The following ZW10 variants were observed in gnomAD, a reference collection of about 807,000 sequenced individuals.
The protein encoded by ZW10 is centromere/kinetochore protein zw10 homolog.
ZW10 carries 53 observed loss-of-function variants against 87.8 expected under a neutral mutation model. The observed-to-expected ratio is 0.60, with a 90% CI of 0.48 to 0.76. ZW10 has a LOEUF of 0.76. Among genes scored for constraint, ZW10 ranks in the 30% least tolerant of loss-of-function variants. The pLI, the probability that ZW10 is intolerant of heterozygous loss-of-function variation, is 0.00. For missense variants in ZW10, 837 were observed against 923.0 expected, an observed-to-expected ratio of 0.91 and a Z score of 1.21; for synonymous variants, 312 against 329.2, an observed-to-expected ratio of 0.95 and a Z score of 0.57.
At chr11:113,754,538 C>G (rs1332761548) in intron 7 of ZW10, among the ~76,000 whole-genome samples, 1 of 152,064 alleles carries the variant, frequency 6.6e-6, no homozygotes, top group African/African-American at 2.4e-5. Flanking sequence ...TGCTTGTGCT[C>G]TAGAGATAGG....
intron 7 of ZW10, among the ~76,000 whole-genome samples, chr11:113,753,635 A>T (rs1346330146): frequency 6.6e-6 from 1 of 152,120 alleles, no homozygotes; most frequent in Non-Finnish European, 1.5e-5. Flanking sequence ...TGAACTCCTG[A>T]CCTCAAGTGA....
At chr11:113,758,447 C>T in intron 6 of ZW10, 107 bp downstream of exon 6, 2 of 1,070,686 alleles carry the variant, frequency 1.9e-6, no homozygotes, top group South Asian at 1.8e-5. Flanking sequence ...AGAGGCCAGA[C>T]CCTATACTAA....
At chr11:113,761,941 G>T (rs189955500) in intron 2 of ZW10, among the ~76,000 whole-genome samples, 1 of 152,130 alleles carries the variant, frequency 6.6e-6, no homozygotes, top group Admixed American at 6.5e-5. Flanking sequence ...ATACCTCACT[G>T]TGATCTGGTT....
Position 113,758,668 on chromosome 11 carries a change from G to T in ZW10, c.619C>A (p.His207Asn). The stretch of plus-strand genomic sequence containing the variant: ...TTGTGCGATTGTTCAGTGTATAAAT[G>T]AAGTTCAGTTTGTAGGTAAGATTCC... ...SLESYLQTEL[H>N]LYTEQSHKEE... Residue 207 changes from histidine (H) to asparagine (N), a missense_variant, in exon 6 of 16, where the codon CAT becomes AAT. Transcript: ENST00000200135. The T allele has an allele frequency of 6.2e-7, 1 of 1,614,098 alleles. No homozygotes were observed. Among genetic ancestry groups the T allele is most frequent in the Non-Finnish European group, 8.5e-7 (1 of 1,180,006 alleles).
chr11:113,751,216 C>A (rs568611825), intron 7 of ZW10: 8 of 286,866 alleles, frequency 2.8e-5, no homozygotes, highest in South Asian at 2.8e-4. Flanking sequence ...CTGGCTTGAG[C>A]AGACACGACA....
chr11:113,736,070 T>A (rs1953550508), intron 15 of ZW10, among the ~76,000 whole-genome samples: 1 of 151,894 alleles, frequency 6.6e-6, no homozygotes, highest in South Asian at 2.1e-4. Context: ...AGAAACCTCG[T>A]CTCTAAAACA....
rs1302374401 is a variant in ZW10 at position 113,733,190 on chromosome 11, T to C, written c.*504A>G. On this transcript the variant is annotated 3_prime_UTR_variant, in exon 16 of 16. Transcript: ENST00000200135. ...TATTAAAGACACTCACCCTTAATTG[T>C]AAAAAGCAATATTTATTGGAAAGAA... The C allele has an allele frequency of 1.3e-5, 2 of 153,002 alleles. No individual in the cohort carries two copies. Among genetic ancestry groups the C allele is most frequent in the African/African-American group, 4.8e-5 (2 of 41,458 alleles). The allele number at this position is 153,002 out of a possible 1,614,324, so 9.5% of individuals were successfully genotyped here.
At position 113,773,692 on chromosome 11, in the gene ZW10, T is replaced by C. The variant is rs371141083; in HGVS notation, c.-26A>G. 4 of 1,602,982 alleles carry C rather than the reference T, an allele frequency of 2.5e-6. No individual in the cohort carries two copies. Among genetic ancestry groups the C allele is most frequent in the Non-Finnish European group, 3.4e-6 (4 of 1,171,538 alleles). On this transcript the variant is annotated 5_prime_UTR_variant, in exon 1 of 16. Coordinates refer to ENST00000200135, the MANE Select transcript of ZW10 (RefSeq NM_004724.4). Reference sequence around the variant, plus strand: ...GGCCAAGACGGGAACCAACGCTGACTGGGTCACTCTCGTAGCCAGCGCCGC... The same window carrying C: ...GGCCAAGACGGGAACCAACGCTGACCGGGTCACTCTCGTAGCCAGCGCCGC...
At chr11:113,747,286 T>G (rs879848073) in intron 9 of ZW10, among the ~76,000 whole-genome samples, 5 of 152,148 alleles carry the variant, frequency 3.3e-5, no homozygotes, top group African/African-American at 1.2e-4. Context: ...CCATTACATG[T>G]ATGTAGACTT....
rs759830636 is a variant in ZW10 at position 113,757,868 on chromosome 11, G to A, written c.734-15C>T. 2 of 1,569,922 alleles carry A rather than the reference G, an allele frequency of 1.3e-6. No homozygotes were observed. Among genetic ancestry groups the A allele is most frequent in the Non-Finnish European group, 1.7e-6 (2 of 1,154,258 alleles). ...CAGCATCTGACCTGAAAAATCATAT[G>A]AACATTCATCAAAAAATCACCATAA... On this transcript the variant is annotated splice_polypyrimidine_tract_variant and intron_variant, in intron 6 of 15. Coordinates refer to ENST00000200135, the MANE Select transcript of ZW10 (RefSeq NM_004724.4).
At chr11:113,738,734 T>C (rs1000655419) in intron 12 of ZW10, among the ~76,000 whole-genome samples, 1 of 152,208 alleles carries the variant, frequency 6.6e-6, no homozygotes, top group African/African-American at 2.4e-5. Context: ...GTGAAACACA[T>C]AGATTCTCTG....
chr11:113,741,124 T>C (rs1053160948), intron 11 of ZW10, among the ~76,000 whole-genome samples: 2 of 151,848 alleles, frequency 1.3e-5, no homozygotes, highest in African/African-American at 4.8e-5. Flanking sequence ...AAACAGCTTT[T>C]GTTTTTTTTT....
chr11:113,733,688 A>T lies in ZW10; in HGVS notation c.*6T>A. On this transcript the variant is annotated 3_prime_UTR_variant, in exon 16 of 16. Coordinates refer to ENST00000200135, the MANE Select transcript of ZW10 (RefSeq NM_004724.4). ...TTCAAGACATAGCTTTCTTAAGAAG[A>T]TGGAGCTATTTAATTTTAGCAAGGG... 1.2e-6 allele frequency: 2 copies of T among 1,614,022 alleles called. No individual in the cohort carries two copies. The highest frequency in any genetic ancestry group is 1.7e-6 in the Non-Finnish European group (2 of 1,180,012).
chr11:113,738,547 G>C (rs1166831044), intron 12 of ZW10, among the ~76,000 whole-genome samples, 153 bp from the exon 13 acceptor site: 3 of 152,044 alleles, frequency 2.0e-5, no homozygotes, highest in African/African-American at 7.2e-5. Context: ...AAAGCTACTA[G>C]AAACAATCAC....
intron 9 of ZW10, among the ~76,000 whole-genome samples, chr11:113,744,901 G>A (rs1953663970): frequency 6.6e-6 from 1 of 152,042 alleles, no homozygotes; most frequent in Non-Finnish European, 1.5e-5. Context: ...TGTGCAACTG[G>A]CCTAAGATTT....
At chr11:113,768,131 T>C (rs17541800) in intron 2 of ZW10, among the ~76,000 whole-genome samples, 11,849 of 152,310 alleles carry the variant, frequency 0.078, 567 homozygotes, top group African/African-American at 0.13. Context: ...AGAATAAATA[T>C]ACCAAATGCC....
Position 113,733,752 on chromosome 11 carries a change from A to C in ZW10, c.2282T>G (p.Ile761Ser). 1.9e-6 allele frequency: 3 copies of C among 1,614,164 alleles called. No individual in the cohort carries two copies. Among genetic ancestry groups the C allele is most frequent in the Non-Finnish European group, 2.5e-6 (3 of 1,180,014 alleles). Reference protein sequence around the residue: ...AFSSSEVKALIRALFQNTERR... With the variant: ...AFSSSEVKALSRALFQNTERR... ...TTCTGTGTTCTGAAACAAGGCACGA[A>C]TTAAAGCTTTTACTTCACTGGAAGA... Residue 761 changes from isoleucine to serine, a missense_variant, in exon 16 of 16, where the codon ATT becomes AGT. Ile to Ser is a moderately radical substitution (Grantham distance 142). Coordinates refer to ENST00000200135, the MANE Select transcript of ZW10 (RefSeq NM_004724.4).
chr11:113,741,658 A>T (rs757886052), intron 11 of ZW10, 36 bp downstream of exon 11: 12 of 1,386,852 alleles, frequency 8.7e-6, no homozygotes, highest in Non-Finnish European at 1.2e-5. Context: ...TTAGACATAC[A>T]ATTATTATAT....
intron 2 of ZW10, among the ~76,000 whole-genome samples, chr11:113,761,233 A>G (rs1953857146): frequency 6.6e-6 from 1 of 152,170 alleles, no homozygotes; most frequent in African/African-American, 2.4e-5. Context: ...AGGTATCCCC[A>G]CTGCCAAGTG....
Sources: allele counts gnomAD v4.1 joint callset (sites outside exome capture counted in the v4.1 genomes callset), GRCh38; gene constraint gnomAD v4.1.1; transcripts MANE v1.5; gene names NCBI Gene and HGNC (gene_info 2026-07-23, HGNC 2026-07-21).